Variants in ABCC9 observed in about 807,000 individuals in gnomAD.
The protein encoded by ABCC9 is ATP binding cassette subfamily C member 9.
In ABCC9, 95 loss-of-function variants were observed where a neutral mutation model predicts 188.3. That is an observed-to-expected ratio of 0.50 (90% CI 0.43 to 0.60). The LOEUF is 0.60. ABCC9 is among the 20% of genes least tolerant of loss of function. The pLI is 0.00. For missense variants in ABCC9, 1,102 were observed against 1,876.3 expected (o/e 0.59, Z 7.62); for synonymous variants, 659 against 652.7 (o/e 1.01, Z -0.15).
At chr12:21,899,064 AAAC>A (rs1325286404) in intron 12 of ABCC9, among the ~76,000 whole-genome samples, 1 of 152,190 alleles carries the variant, frequency 6.6e-6, no homozygotes, top group Non-Finnish European at 1.5e-5. Flanking sequence ...CGTTTAGAAA[AAAC>A]AAAGTGTATC....
intron 17 of ABCC9, among the ~76,000 whole-genome samples, chr12:21,874,170 T>C (rs368116822): frequency 6.7e-6 from 1 of 150,320 alleles, no homozygotes; most frequent in South Asian, 2.1e-4. Context: ...AAACAAATAA[T>C]CCAATTTAAA....
At chr12:21,906,351 A>G (rs1305930078) in intron 11 of ABCC9, 63 bp from the exon 12 acceptor site, 13 of 1,516,700 alleles carry the variant, frequency 8.6e-6, no homozygotes, top group South Asian at 1.2e-5. Context: ...AGGCAGAACC[A>G]TGTAATGGAC....
chr12:21,822,790 CAAA>C (rs538002229), intron 31 of ABCC9, among the ~76,000 whole-genome samples: 19,615 of 84,040 alleles, frequency 0.23, 1,431 homozygotes, highest in Middle Eastern at 0.48. Flanking sequence ...GACTCCGTCT[CAAA>C]AAAAAAAAAA....
chr12:21,882,208 C>T (rs1017325323), intron 16 of ABCC9, among the ~76,000 whole-genome samples: 4 of 152,038 alleles, frequency 2.6e-5, no homozygotes, highest in African/African-American at 7.2e-5. Flanking sequence ...TGACTGCTGC[C>T]GGCAGCTCTT....
chr12:21,801,282 A>G (rs1941414129), intron 39 of ABCC9, 101 bp from the exon 40 acceptor site: 2 of 1,496,250 alleles, frequency 1.3e-6, no homozygotes, highest in Non-Finnish European at 9.2e-7. Context: ...ACATTTGTTT[A>G]TCTTGGTGAG....
chr12:21,813,596 G>A lies in ABCC9; in HGVS notation c.4102+1048C>T, dbSNP rs35341864. On this transcript the variant is annotated intron_variant, in intron 35 of 39. Transcript: ENST00000261200. Reference sequence around the variant, plus strand: ...TAACATGATCAGTCATAAACATAGTGTTTTAATGAAAAATGTCAGTTGATT... The same window carrying A: ...TAACATGATCAGTCATAAACATAGTATTTTAATGAAAAATGTCAGTTGATT... Among the ~76,000 whole-genome samples, 459 of 152,244 alleles carry A rather than the reference G, an allele frequency of 3.0e-3. 1 individual carries two copies. Among genetic ancestry groups the A allele is most frequent in the Admixed American group, 8.4e-3 (128 of 15,282 alleles).
chr12:21,887,441 G>A (rs1946936450), intron 15 of ABCC9, among the ~76,000 whole-genome samples: 1 of 152,090 alleles, frequency 6.6e-6, no homozygotes, highest in African/African-American at 2.4e-5. Context: ...ATATTAAGTG[G>A]ATCAAAAGAT....
rs766633076 is a variant in ABCC9, at chr12:21,829,025, A to T, written c.3602T>A (p.Leu1201Gln). 1.9e-6 allele frequency: 3 copies of T among 1,614,068 alleles called. No homozygotes were observed. The highest frequency in any genetic ancestry group is 1.7e-6 in the Non-Finnish European group (2 of 1,179,966). The change falls in exon 31 of 40, where the codon CTG becomes CAG. Residue 1201 changes from leucine (L) to glutamine (Q), a missense_variant. This residue lies in a region of ABCC9 where 143 missense variants were observed against 225.6 expected (regional missense o/e 0.63). Transcript: ENST00000261200. Reference protein sequence around the residue: ...ETRFKQRMLELTDTNNIAYLF... With the variant: ...ETRFKQRMLEQTDTNNIAYLF... The stretch of plus-strand genomic sequence containing the variant: ...GTAGGCAATGTTGTTTGTATCCGTC[A>T]GTTCCAGCATACGTTGTTTAAATCT...
intron 35 of ABCC9, among the ~76,000 whole-genome samples, chr12:21,813,411 T>TTAACTTATTAACTTA (rs1942391976): frequency 1.3e-5 from 2 of 152,088 alleles, no homozygotes; most frequent in Non-Finnish European, 2.9e-5. Flanking sequence ...CAGGCAAGGG[T>TTAACTTATTAACTTA]GATTAGCTTA....
At chr12:21,924,153 T>A (rs138645451) in intron 5 of ABCC9, 81 of 271,700 alleles carry the variant, frequency 3.0e-4, no homozygotes, top group African/African-American at 1.7e-3. Context: ...TATGTCATGA[T>A]AGTGTTATAT....
At chr12:21,869,198 T>C (rs957395463) in intron 18 of ABCC9, among the ~76,000 whole-genome samples, 2 of 152,202 alleles carry the variant, frequency 1.3e-5, no homozygotes, top group African/African-American at 4.8e-5. Context: ...CATAAAAAGA[T>C]AATTTTTAGG....
intron 18 of ABCC9, among the ~76,000 whole-genome samples, chr12:21,872,375 A>G (rs1261302675): frequency 6.6e-6 from 1 of 152,216 alleles, no homozygotes; most frequent in African/African-American, 2.4e-5. Context: ...ACCTATCTTT[A>G]CAATCCCATC....
rs183033708 is a variant in ABCC9 at position 21,844,969 on chromosome 12, C to G, written c.3097-54G>C. The G allele has an allele frequency of 2.9e-3, 4,640 of 1,593,750 alleles. 8 individuals carry two copies. The highest frequency in any genetic ancestry group is 4.6e-3 in the Admixed American group (272 of 59,258). Reference sequence around the variant, plus strand: ...TAGGAAATTATCAATGGAGTTCTTTCTTACTAGAAAACCAAATGTCAATGT... The same window carrying G: ...TAGGAAATTATCAATGGAGTTCTTTGTTACTAGAAAACCAAATGTCAATGT... On this transcript the variant is annotated intron_variant, in intron 26 of 39. Transcript: ENST00000261200.
At chr12:21,938,438 T>G (rs1222974374) in intron 2 of ABCC9, among the ~76,000 whole-genome samples, 1 of 152,096 alleles carries the variant, frequency 6.6e-6, no homozygotes, top group Admixed American at 6.5e-5. Flanking sequence ...AACAGCAAAA[T>G]GGAAGTTATT....
intron 36 of ABCC9, 41 bp from the exon 37 acceptor site, chr12:21,809,996 A>G: frequency 8.1e-7 from 1 of 1,228,544 alleles, no homozygotes; most frequent in Non-Finnish European, 1.2e-6. Flanking sequence ...AAGTGAAAAT[A>G]TAGAAACTTT....
chr12:21,930,763 G>C (rs1565496388), intron 4 of ABCC9, among the ~76,000 whole-genome samples: 1 of 152,082 alleles, frequency 6.6e-6, no homozygotes, highest in South Asian at 2.1e-4. Context: ...ACAGACAATA[G>C]AATATCATTC....
intron 30 of ABCC9, among the ~76,000 whole-genome samples, chr12:21,829,927 A>G (rs913952454): frequency 2.6e-5 from 4 of 152,150 alleles, no homozygotes; most frequent in Non-Finnish European, 5.9e-5. Flanking sequence ...AAAGGAAAAA[A>G]ACTGGGGTGG....
At chr12:21,871,944 T>C (rs1475115702) in intron 18 of ABCC9, among the ~76,000 whole-genome samples, 3 of 152,230 alleles carry the variant, frequency 2.0e-5, no homozygotes, top group African/African-American at 7.2e-5. Flanking sequence ...CCAAACTAAA[T>C]AAGTATAATT....
At chr12:21,842,657 C>G (rs1259398995) in intron 28 of ABCC9, among the ~76,000 whole-genome samples, 186 bp from the exon 29 acceptor site, 2 of 152,192 alleles carry the variant, frequency 1.3e-5, no homozygotes, top group Non-Finnish European at 2.9e-5. Flanking sequence ...ATTTATCTAT[C>G]AACATGTCGT....
Sources: gnomAD v4.1 joint callset for allele counts (sites outside exome capture counted in the v4.1 genomes callset) on GRCh38, gnomAD v4.1.1 for gene constraint, gnomAD v4.1.1 regional missense constraint, MANE v1.5 for transcripts, NCBI Gene and HGNC (gene_info 2026-07-23, HGNC 2026-07-21) for gene names.